The following DESI1 variants were observed in gnomAD, a reference collection of about 807,000 sequenced individuals.
The protein encoded by DESI1 is desumoylating isopeptidase 1, also known as PPPDE peptidase domain containing 2.
DESI1 carries 17 observed loss-of-function variants against 22.4 expected under a neutral mutation model. The observed-to-expected ratio is 0.76, with a 90% CI of 0.52 to 1.14. The LOEUF (loss-of-function observed/expected upper bound fraction) is 1.14, where lower values mean the gene tolerates loss of function less well. Ranked by LOEUF, DESI1 falls within the 50% of genes most tolerant of loss-of-function variation. DESI1 has a pLI of 0.00. For synonymous variants in DESI1, 92 were observed against 84.2 expected, an observed-to-expected ratio of 1.09 and a Z score of -0.51; for missense variants, 177 against 208.9, an observed-to-expected ratio of 0.85 and a Z score of 0.94.
Position 41,604,231 on chromosome 22 carries a change from CACAA to C in DESI1, c.181-82_181-79del, listed in dbSNP as rs909220769. ...TTTAATGTGGCTTCCCACAGTAGACCACAAACACTCTGTTCTGACTTTTTTTTTT... is the reference window on the plus strand; with the variant it reads ...TTTAATGTGGCTTCCCACAGTAGACCACACTCTGTTCTGACTTTTTTTTTT... On this transcript the variant is annotated intron_variant, in intron 3 of 5. Coordinates refer to ENST00000263256, the MANE Select transcript of DESI1 (RefSeq NM_015704.3). 4.7e-6 allele frequency: 5 copies of C among 1,062,472 alleles called. No homozygotes were observed. In the African/African-American group the frequency reaches 6.5e-5, roughly 14 times the overall value. 65.8% of individuals were successfully genotyped at this position (1,062,472 alleles called of 1,614,324 possible). A position where few individuals can be genotyped will look rare whatever the true frequency, so the allele number is the denominator to read the frequency against.
chr22:41,608,854 G>T (rs2067498521), intron 1 of DESI1, among the ~76,000 whole-genome samples: 1 of 152,176 alleles, frequency 6.6e-6, no homozygotes, highest in Non-Finnish European at 1.5e-5. Flanking sequence ...TGGAGTGTCA[G>T]CAAACATCAC....
Position 41,609,103 on chromosome 22 carries a change from G to A in DESI1, c.89-1242C>T, listed in dbSNP as rs531944949. On this transcript the variant is annotated intron_variant, in intron 1 of 5. Coordinates refer to ENST00000263256, the MANE Select transcript of DESI1 (RefSeq NM_015704.3). The stretch of plus-strand genomic sequence containing the variant: ...ATTACAGGCATGCACCACCAAGCCC[G>A]GCTGATTTTTGTATTTTTAGTAGAG... Among the ~76,000 whole-genome samples the A allele has an allele frequency of 4.3e-4, 66 of 152,058 alleles. 1 individual carries two copies. Among genetic ancestry groups the A allele is most frequent in the Admixed American group, 1.4e-3 (21 of 15,248 alleles).
intron 2 of DESI1, 131 bp downstream of exon 2, chr22:41,607,709 G>C (rs1370658218): frequency 2.8e-5 from 30 of 1,088,338 alleles, no homozygotes; most frequent in Non-Finnish European, 3.7e-5. Context: ...GAGAAGCACT[G>C]CTTTAGGGCT....
In DESI1 at chr22:41,615,274, A is replaced by T. The variant is rs1286223415; in HGVS notation, c.88+5478T>A. Among the ~76,000 whole-genome samples, 152 of 8,990 alleles carry T rather than the reference A, an allele frequency of 0.017. No homozygotes were observed. In the African/African-American group the frequency reaches 0.18, roughly 11 times the overall value. 5.9% of individuals were successfully genotyped at this position (8,990 alleles called of 152,430 possible). ...GAAACCCCGTCTCTACTAAAAATTAAAAAAAAAAAAAAAAAAAAAAAATTA... is the reference window on the plus strand; with the variant it reads ...GAAACCCCGTCTCTACTAAAAATTATAAAAAAAAAAAAAAAAAAAAAATTA... On this transcript the variant is annotated intron_variant, in intron 1 of 5. Transcript: ENST00000263256.
intron 1 of DESI1, among the ~76,000 whole-genome samples, chr22:41,613,711 C>T (rs2067532143): frequency 6.6e-6 from 1 of 152,236 alleles, no homozygotes; most frequent in Non-Finnish European, 1.5e-5. Context: ...ACTGCACTCC[C>T]AGTCTACTGC....
intron 1 of DESI1, among the ~76,000 whole-genome samples, chr22:41,617,765 T>C (rs1372887800): frequency 6.6e-6 from 1 of 152,244 alleles, no homozygotes; most frequent in Non-Finnish European, 1.5e-5. Context: ...GAATGGGTGA[T>C]GTTCCCATGT....
chr22:41,602,122 G>A (rs2067452876), intron 5 of DESI1: 2 of 735,508 alleles, frequency 2.7e-6, no homozygotes, highest in Non-Finnish European at 1.7e-6. Flanking sequence ...CATAAATAAG[G>A]TTGCCCAGAA....
intron 1 of DESI1, among the ~76,000 whole-genome samples, chr22:41,615,272 T>TAAAAAAAAA (rs58574960): frequency 1.0e-4 from 11 of 108,476 alleles, no homozygotes; most frequent in Non-Finnish European, 1.7e-4. Context: ...TACTAAAAAT[T>TAAAAAAAAA]AAAAAAAAAA....
intron 1 of DESI1, among the ~76,000 whole-genome samples, chr22:41,617,570 A>G (rs6002422): frequency 0.067 from 10,169 of 152,348 alleles, 1,102 homozygotes; most frequent in African/African-American, 0.23. Flanking sequence ...GGGATGAATC[A>G]GTAAGACCAT....
intron 1 of DESI1, among the ~76,000 whole-genome samples, chr22:41,611,860 G>A (rs771745262): frequency 2.6e-5 from 4 of 152,048 alleles, no homozygotes; most frequent in Non-Finnish European, 5.9e-5. Flanking sequence ...CAAAGTGCTG[G>A]GATTACAGGC....
intron 1 of DESI1, among the ~76,000 whole-genome samples, chr22:41,612,467 T>C (rs1032261409): frequency 6.8e-5 from 10 of 146,282 alleles, no homozygotes; most frequent in Middle Eastern, 3.5e-3. Flanking sequence ...ATTGCACCAC[T>C]GCACTCCAGC....
Position 41,620,794 on chromosome 22 carries a change from G to A in DESI1, c.46C>T (p.Leu16=), listed in dbSNP as rs1197111125. 6.2e-7 allele frequency: 1 copy of A among 1,612,872 alleles called. No individual in the cohort carries two copies. Among genetic ancestry groups the A allele is most frequent in the Non-Finnish European group, 8.5e-7 (1 of 1,179,454 alleles). Residue 16 remains leucine (L), a synonymous_variant, in exon 1 of 6, where the codon CTG becomes TTG. Coordinates refer to ENST00000263256, the MANE Select transcript of DESI1 (RefSeq NM_015704.3). Reference sequence around the variant, plus strand: ...AGCCGCCGGGCCAGGCCTTTGGACAGGTCGTACACGTAGAGCTTCACCGGA... The same window carrying A: ...AGCCGCCGGGCCAGGCCTTTGGACAAGTCGTACACGTAGAGCTTCACCGGA... ...LYPVKLYVYD[L]SKGLARRLSP... is the part of the protein sequence containing the mutation.
At chr22:41,612,841 TCCAGGCGTGAGCCA>T (rs1380681846) in intron 1 of DESI1, among the ~76,000 whole-genome samples, 1 of 149,420 alleles carries the variant, frequency 6.7e-6, no homozygotes, top group Non-Finnish European at 1.5e-5. Flanking sequence ...TCCTCCCACC[TCCAGGCGTGAGCCA>T]CCAGGCCCAG....
chr22:41,607,225 T>TGA (rs761707544), intron 3 of DESI1, 37 bp downstream of exon 3: 4 of 1,534,896 alleles, frequency 2.6e-6, no homozygotes, highest in Non-Finnish European at 3.5e-6. Flanking sequence ...CCCAGGAACC[T>TGA]GAGACTGCAG....
chr22:41,614,895 CTTCTT>C (rs2067540775), intron 1 of DESI1, among the ~76,000 whole-genome samples: 1 of 136,840 alleles, frequency 7.3e-6, no homozygotes, highest in African/African-American at 2.9e-5. Context: ...TTGTTTTCTT[CTTCTT>C]TTTTTTTTTT....
chr22:41,620,204 G>A (rs1462571242), intron 1 of DESI1, among the ~76,000 whole-genome samples: 1 of 152,120 alleles, frequency 6.6e-6, no homozygotes, highest in African/African-American at 2.4e-5. Context: ...ACCTGGGGGC[G>A]ATGGCTGGGT....
In DESI1 at chr22:41,613,695, T is replaced by G. The variant is rs147080595; in HGVS notation, c.89-5834A>C. Among the ~76,000 whole-genome samples the G allele has an allele frequency of 5.6e-4, 86 of 152,348 alleles. 1 individual carries two copies. In the East Asian group the frequency reaches 0.015, roughly 27 times the overall value. ...TGTTATTGCAATGACTCTGCCACCC[T>G]GGCATACTGCACTCCCAGTCTACTG... On this transcript the variant is annotated intron_variant, in intron 1 of 5. Coordinates refer to ENST00000263256, the MANE Select transcript of DESI1 (RefSeq NM_015704.3).
intron 1 of DESI1, among the ~76,000 whole-genome samples, chr22:41,610,951 A>T (rs796368633): frequency 9.9e-5 from 15 of 151,974 alleles, no homozygotes; most frequent in African/African-American, 3.6e-4. Flanking sequence ...AAAGAATGTG[A>T]GGCAGGTTCT....
chr22:41,600,719 A>C lies in DESI1; in HGVS notation c.*378T>G, dbSNP rs1394126597. 2 of 194,994 alleles carry C rather than the reference A, an allele frequency of 1.0e-5. No homozygotes were observed. Among genetic ancestry groups the C allele is most frequent in the Non-Finnish European group, 2.2e-5 (2 of 92,288 alleles). The allele number at this position is 194,994 out of a possible 1,614,324, so 12.1% of individuals were successfully genotyped here. A position where few individuals can be genotyped will look rare whatever the true frequency, so the allele number is the denominator to read the frequency against. On this transcript the variant is annotated 3_prime_UTR_variant, in exon 6 of 6. Transcript: ENST00000263256. ...TCACCTGGGTCCCACAGGTGTTGGC[A>C]ACTTGGGTAGAGCGTGAGTGTTCTC...
Sources: allele counts gnomAD v4.1 joint callset (sites outside exome capture counted in the v4.1 genomes callset), GRCh38; gene constraint gnomAD v4.1.1; transcripts MANE v1.5; gene names NCBI Gene and HGNC (gene_info 2026-07-23, HGNC 2026-07-21).